The following ACSBG2 variants were observed in gnomAD, a reference collection of about 807,000 sequenced individuals.
The protein encoded by ACSBG2 is long-chain-fatty-acid--CoA ligase ACSBG2.
Under a neutral mutation model 74.7 loss-of-function variants are expected in ACSBG2, and 62 were observed. That is an observed-to-expected ratio of 0.83 (90% confidence interval 0.68 to 1.03). The LOEUF (loss-of-function observed/expected upper bound fraction) is 1.03. Among genes scored for constraint, ACSBG2 ranks in the 50% least tolerant of loss-of-function variants. ACSBG2 has a pLI of 0.00. For missense variants in ACSBG2, 730 were observed against 817.6 expected, an observed-to-expected ratio of 0.89 and a Z score of 1.31; for synonymous variants, 309 against 294.1, an observed-to-expected ratio of 1.05 and a Z score of -0.52.
At chr19:6,153,879 A>G (rs28709747) in intron 4 of ACSBG2, among the ~76,000 whole-genome samples, 1 of 26,054 alleles carries the variant, frequency 3.8e-5, no homozygotes, top group African/African-American at 8.1e-5. Flanking sequence ...AAAAGAAAAG[A>G]AAAGGAAAAG....
At chr19:6,158,662 C>T (rs2089508212) in intron 5 of ACSBG2, among the ~76,000 whole-genome samples, 1 of 152,076 alleles carries the variant, frequency 6.6e-6, no homozygotes, top group South Asian at 2.1e-4. Flanking sequence ...GACTCTGAGT[C>T]ACTCATTTCT....
chr19:6,181,742 G>A (rs2090259256), intron 8 of ACSBG2, among the ~76,000 whole-genome samples: 2 of 151,330 alleles, frequency 1.3e-5, no homozygotes, highest in Non-Finnish European at 2.9e-5. Context: ...TGAGAAATAA[G>A]GCTCTAACCC....
intron 5 of ACSBG2, among the ~76,000 whole-genome samples, chr19:6,156,801 T>C (rs1053225693): frequency 5.4e-5 from 8 of 147,026 alleles, no homozygotes; most frequent in Non-Finnish European, 1.0e-4. Flanking sequence ...TTTTTTTTTT[T>C]CGAGACAGGG....
chr19:6,156,853 A>C (rs777346967), intron 5 of ACSBG2, among the ~76,000 whole-genome samples: 1 of 147,816 alleles, frequency 6.8e-6, no homozygotes, highest in Non-Finnish European at 1.5e-5. Context: ...TCGTGATTGT[A>C]GCTCACTGTA....
chr19:6,163,126 ATAAT>A (rs1278176547), intron 6 of ACSBG2, among the ~76,000 whole-genome samples: 134 of 114,146 alleles, frequency 1.2e-3, no homozygotes, highest in Non-Finnish European at 1.8e-3. Flanking sequence ...AATACAAATA[ATAAT>A]AATAATAATA....
Position 6,187,800 on chromosome 19 carries a change from T to C in ACSBG2, c.1882T>C (p.Trp628Arg). 2.5e-6 allele frequency: 4 copies of C among 1,614,086 alleles called. No homozygotes were observed. The highest frequency in any genetic ancestry group is 3.4e-6 in the Non-Finnish European group (4 of 1,180,022). Residue 628 changes from tryptophan to arginine, a missense_variant, in exon 13 of 15, where the codon TGG (tryptophan) becomes CGG (arginine). By Grantham distance (101) the Trp-to-Arg change is moderately radical (BLOSUM62 -3). Transcript: ENST00000588485. Reference protein sequence around the residue: ...AMNNAQRIEKWVILEKDFSIY... With the variant: ...AMNNAQRIEKRVILEKDFSIY... ...GAACAATGCACAGAGGATTGAAAAG[T>C]GGGTCATCTTGGAGAAGGACTTTTC...
rs1490633002 is a variant in ACSBG2 at position 6,154,430 on chromosome 19, GAGAAA to G, written c.387-1999_387-1995del. On this transcript the variant is annotated intron_variant, in intron 4 of 14. Transcript: ENST00000588485. The stretch of plus-strand genomic sequence containing the variant: ...AGAGAGAGAGAGAGAGAGAGAGAGA[GAGAAA>G]ATTATTATTATATATATAAAATATA... Among the ~76,000 whole-genome samples, 671 of 89,288 alleles carry G rather than the reference GAGAAA, an allele frequency of 7.5e-3. 3 individuals are homozygous for G. The highest frequency in any genetic ancestry group is 0.017 in the Middle Eastern group (3 of 180). The allele number at this position is 89,288 out of a possible 152,430, so 58.6% of individuals were successfully genotyped here. A position where few individuals can be genotyped will look rare whatever the true frequency, so the allele number is the denominator to read the frequency against.
At chr19:6,142,093 C>T (rs1387674212) in intron 2 of ACSBG2, among the ~76,000 whole-genome samples, 1 of 152,100 alleles carries the variant, frequency 6.6e-6, no homozygotes, top group African/African-American at 2.4e-5. Flanking sequence ...TCACATAATT[C>T]AGAGCTCTGC....
At chr19:6,166,106 T>TA (rs2089791601) in intron 7 of ACSBG2, 91 bp downstream of exon 7, 2 of 1,518,688 alleles carry the variant, frequency 1.3e-6, no homozygotes, top group South Asian at 2.4e-5. Flanking sequence ...CAGGGTCTAG[T>TA]ACGCAGTGTG....
At chr19:6,147,874 C>G (rs1202598659) in intron 3 of ACSBG2, among the ~76,000 whole-genome samples, 199 bp downstream of exon 3, 2 of 151,868 alleles carry the variant, frequency 1.3e-5, no homozygotes, top group African/African-American at 4.8e-5. Context: ...TTTTGTGTGT[C>G]CTTTTGGGAA....
chr19:6,187,210 G>C, intron 11 of ACSBG2, 73 bp from the exon 12 acceptor site: 1 of 1,595,168 alleles, frequency 6.3e-7, no homozygotes. Flanking sequence ...TCACCATGTT[G>C]GCCAGGCTGG....
intron 7 of ACSBG2, among the ~76,000 whole-genome samples, chr19:6,167,675 G>A (rs935419160): frequency 2.0e-5 from 3 of 152,130 alleles, no homozygotes; most frequent in Non-Finnish European, 4.4e-5. Context: ...CACACTGTCT[G>A]TCTGAGCAAT....
chr19:6,176,644 C>T (rs1464343285), intron 7 of ACSBG2, among the ~76,000 whole-genome samples: 2 of 151,810 alleles, frequency 1.3e-5, no homozygotes, highest in East Asian at 2.0e-4. Flanking sequence ...CCACTTCATC[C>T]TCTTGGGCAG....
chr19:6,140,464 G>A (rs1480901747), intron 1 of ACSBG2, among the ~76,000 whole-genome samples: 1 of 152,154 alleles, frequency 6.6e-6, no homozygotes. Flanking sequence ...CGGATCACTT[G>A]AGCTTGGGAG....
In ACSBG2 at chr19:6,182,800, G is replaced by A. The variant is rs1043857966; in HGVS notation, c.956G>A (p.Gly319Glu). The A allele has an allele frequency of 6.2e-7, 1 of 1,614,160 alleles. No homozygotes were observed. Among genetic ancestry groups the A allele is most frequent in the Non-Finnish European group, 8.5e-7 (1 of 1,180,020 alleles). The stretch of plus-strand genomic sequence containing the variant: ...GAGGTAAAACCTACTGTCTTCATTG[G>A]AGTGCCTCAAATTTGGGAGAAGATA... ...LKEVKPTVFI[G>E]VPQIWEKIHE... The change falls in exon 9 of 15, where the codon GGA becomes GAA. Residue 319 changes from glycine to glutamate, a missense_variant. Gly to Glu is a moderately conservative substitution (Grantham distance 98). Coordinates refer to ENST00000588485, the MANE Select transcript of ACSBG2 (RefSeq NM_030924.5).
At chr19:6,144,155 G>A (rs368117895) in intron 2 of ACSBG2, among the ~76,000 whole-genome samples, 24 of 152,066 alleles carry the variant, frequency 1.6e-4, no homozygotes, top group African/African-American at 5.1e-4. Context: ...GTGCCACCAC[G>A]CCTGGCTAAT....
intron 9 of ACSBG2, 36 bp downstream of exon 9, chr19:6,182,968 G>C: frequency 1.2e-6 from 2 of 1,612,716 alleles, no homozygotes; most frequent in Non-Finnish European, 8.5e-7. Context: ...GAGGGTAGTT[G>C]GTGAGGAGGC....
chr19:6,149,425 G>A (rs961084645), intron 3 of ACSBG2, among the ~76,000 whole-genome samples: 1 of 151,726 alleles, frequency 6.6e-6, no homozygotes, highest in Non-Finnish European at 1.5e-5. Context: ...TTTCCCCTAA[G>A]GATGCTCACT....
intron 5 of ACSBG2, 52 bp downstream of exon 5, chr19:6,156,603 G>T: frequency 6.8e-7 from 1 of 1,466,152 alleles, no homozygotes; most frequent in Non-Finnish European, 9.0e-7. Context: ...GTACCTCAGG[G>T]CTCTGGGCAG....
Sources: allele counts gnomAD v4.1 joint callset (sites outside exome capture counted in the v4.1 genomes callset), GRCh38; gene constraint gnomAD v4.1.1; transcripts MANE v1.5; gene names NCBI Gene and HGNC (gene_info 2026-07-23, HGNC 2026-07-21).